ANKRD24: variants seen among roughly 807,000 people sequenced by gnomAD.
The protein encoded by ANKRD24 is ankyrin repeat domain 24.
ANKRD24 carries 109 observed loss-of-function variants against 127.8 expected under a neutral mutation model. That is an observed-to-expected ratio of 0.85 (90% CI 0.73 to 1.00). ANKRD24 has a LOEUF of 1.00. Ranked by LOEUF, ANKRD24 falls within the 50% of genes least tolerant of loss-of-function variation. The pLI, the probability that ANKRD24 is intolerant of heterozygous loss-of-function variation, is 0.00. For missense variants in ANKRD24, 1,648 were observed against 1,570.2 expected (o/e 1.05, Z -0.84); for synonymous variants, 743 against 671.1 (o/e 1.11, Z -1.66).
chr19:4,200,003 C>T lies in ANKRD24; in HGVS notation c.252C>T (p.Ser84=), dbSNP rs896711768. The stretch of plus-strand genomic sequence containing the variant: ...CGAAGCTAGACCCCGAGGGCAAGTC[C>T]GCGTGAGTGCCCGCGACCCGGGAGT... ...VPTKLDPEGK[S]AFHLAAMRGA... The change falls in exon 4 of 22, where the codon TCC becomes TCT. Residue 84 remains serine (S), a splice_region_variant and synonymous_variant. Coordinates refer to ENST00000318934, the MANE Select transcript of ANKRD24 (RefSeq NM_001393985.1). 5.8e-6 allele frequency: 9 copies of T among 1,563,014 alleles called. No homozygotes were observed. Among genetic ancestry groups the T allele is most frequent in the East Asian group, 4.8e-5 (2 of 41,956 alleles).
At position 4,206,384 on chromosome 19, in the gene ANKRD24, C is replaced by T. The variant is rs75715140; in HGVS notation, c.467-858C>T. ...GAGTGGTGGTGCACGCCTACAGTCC[C>T]GGCGGCAGATTGCTTGAGCCCAGGA... On this transcript the variant is annotated intron_variant, in intron 7 of 21. Transcript: ENST00000318934. Among the ~76,000 whole-genome samples the T allele has an allele frequency of 4.7e-3, 718 of 151,182 alleles. 3 individuals are homozygous for T. The highest frequency in any genetic ancestry group is 0.016 in the African/African-American group (660 of 41,320).
At chr19:4,208,654 C>A in intron 10 of ANKRD24, 110 bp from the exon 11 acceptor site, 1 of 1,057,364 alleles carries the variant, frequency 9.5e-7, no homozygotes, top group Non-Finnish European at 1.4e-6. Flanking sequence ...CTACCTTAAA[C>A]GCCCTGATTC....
rs1968954840 is a variant in ANKRD24 at position 4,199,412 on chromosome 19, A to G, written c.37-271A>G. On this transcript the variant is annotated intron_variant, in intron 2 of 21. Transcript: ENST00000318934. This position sits in a 1 kb window ranked among gnomAD's most constrained non-coding sequence, Gnocchi z 5.2. ...TTTTTTGTAGAGACGGGGTCCTACT[A>G]TGGTGCCCAGGTTTGTCTCAAACTC... 1 of 714,062 alleles carries G rather than the reference A, an allele frequency of 1.4e-6. No individual in the cohort carries two copies. Among genetic ancestry groups the G allele is most frequent in the Non-Finnish European group, 1.7e-6 (1 of 582,498 alleles). 44.2% of individuals were successfully genotyped at this position (714,062 alleles called of 1,614,324 possible).
In ANKRD24 at chr19:4,217,410, C is replaced by G. The variant is rs1288281466; in HGVS notation, c.2250C>G (p.Ala750=). The G allele has an allele frequency of 1.9e-6, 3 of 1,548,926 alleles. No individual in the cohort carries two copies. Among genetic ancestry groups the G allele is most frequent in the Non-Finnish European group, 2.6e-6 (3 of 1,146,460 alleles). ...AGGCAGCTGCGGAGCTGGAGGCGGC[C>G]CTGGGGAAGTGCGAGGCCGCGGAGG... ...EREAAAELEA[A]LGKCEAAEAE... is the part of the protein sequence containing the mutation. The change falls in exon 18 of 22, where the codon GCC becomes GCG. Residue 750 remains alanine (A), a synonymous_variant. Coordinates refer to ENST00000318934, the MANE Select transcript of ANKRD24 (RefSeq NM_001393985.1).
Position 4,210,129 on chromosome 19 carries a change from T to G in ANKRD24, c.942T>G (p.Ile314Met). 1.9e-6 allele frequency: 3 copies of G among 1,608,994 alleles called. No individual in the cohort carries two copies. Among genetic ancestry groups the G allele is most frequent in the Non-Finnish European group, 2.5e-6 (3 of 1,177,980 alleles). ...AGGCGCCTCCACCTCCCGCCAGCAT[T>G]CCCATGCCGGTGAGAGATGCTCTGG... ...KRKAPPPPAS[I>M]PMPDDRDAYE... The change falls in exon 12 of 22, where the codon ATT (isoleucine) becomes ATG (methionine). Residue 314 changes from isoleucine (I) to methionine (M), a missense_variant. Transcript: ENST00000318934.
chr19:4,208,085 T>C (rs2240670), intron 10 of ANKRD24, 117 bp downstream of exon 10: 852,909 of 1,120,596 alleles, frequency 0.76, 325,388 homozygotes, highest in African/African-American at 0.83. Flanking sequence ...TAGGAGGTCC[T>C]AGAGCTTACC....
In ANKRD24 at chr19:4,224,511, G is replaced by T. The variant is rs145144144; in HGVS notation, c.*6G>T. On this transcript the variant is annotated 3_prime_UTR_variant, in exon 22 of 22. Transcript: ENST00000318934. ...TCCAGGCTCAGGGCCGCTGAGAAAGGCCAGGCCCAGTGGCTACACTGACCA... is the reference window on the plus strand; with the variant it reads ...TCCAGGCTCAGGGCCGCTGAGAAAGTCCAGGCCCAGTGGCTACACTGACCA... 3,586 of 1,605,112 alleles carry T rather than the reference G, an allele frequency of 2.2e-3. 6 individuals are homozygous for T. Among genetic ancestry groups the T allele is most frequent in the Middle Eastern group, 6.1e-3 (37 of 6,056 alleles).
At chr19:4,220,903 CT>C (rs141815750) in intron 19 of ANKRD24, among the ~76,000 whole-genome samples, 437 of 134,684 alleles carry the variant, frequency 3.2e-3, no homozygotes, top group Middle Eastern at 4.2e-3. Context: ...AGCCAGAAAG[CT>C]TTTTTTTTTT....
Position 4,188,908 on chromosome 19 carries a change from A to G in ANKRD24, c.36+2447A>G, listed in dbSNP as rs1344982440. Among the ~76,000 whole-genome samples the G allele has an allele frequency of 2.6e-5, 4 of 152,110 alleles. No homozygotes were observed. In the East Asian group the frequency reaches 5.8e-4, roughly 22 times the overall value. ...CTGCAACCTCTGCCTCCTGAGTTCA[A>G]GCAATTCTCCTGCCTCAGCCTTCCA... On this transcript the variant is annotated intron_variant, in intron 2 of 21. Transcript: ENST00000318934.
chr19:4,218,285 T>TTATTTATTTATTTATTTATTTATC (rs1256195005), intron 18 of ANKRD24, 122 bp downstream of exon 18: 1 of 595,554 alleles, frequency 1.7e-6, no homozygotes, highest in African/African-American at 2.0e-5. Context: ...CTACTTTATT[T>TTATTTATTTATTTATTTATTTATC]TATTTATTTA....
At position 4,182,735 on chromosome 19, in the gene ANKRD24, A is replaced by T; in HGVS notation, c.-42A>T. 1.4e-6 allele frequency: 2 copies of T among 1,398,104 alleles called. No homozygotes were observed. Among genetic ancestry groups the T allele is most frequent in the Non-Finnish European group, 9.3e-7 (1 of 1,074,234 alleles). The allele number at this position is 1,398,104 out of a possible 1,614,324, so 86.6% of individuals were successfully genotyped here. A position where few individuals can be genotyped will look rare whatever the true frequency, so the allele number is the denominator to read the frequency against. ...GTCAGAAGGAAGCCTGCCTCTTTGC[A>T]TGCAGGTGTTTGCGGGGCTTGGGAA... On this transcript the variant is annotated 5_prime_UTR_variant, in exon 1 of 22. An upstream start codon of the reference 5' UTR is lost. Transcript: ENST00000318934.
chr19:4,207,902 C>G lies in ANKRD24; in HGVS notation c.766C>G (p.Leu256Val). Residue 256 changes from leucine to valine, a missense_variant, in exon 10 of 22, where the codon CTG (leucine) becomes GTG (valine). Physicochemically the swap from Leu to Val is conservative, Grantham distance 32. Coordinates refer to ENST00000318934, the MANE Select transcript of ANKRD24 (RefSeq NM_001393985.1). The part of the protein sequence containing the change: ...LGQDAAHYGA[L>V]AGDKLILHLL... ...GCAGGACGCGGCTCACTATGGCGCC[C>G]TGGCGGGGGACAAACTCATCCTGCA... 6.4e-7 allele frequency: 1 copy of G among 1,556,390 alleles called. No individual in the cohort carries two copies. The highest frequency in any genetic ancestry group is 8.7e-7 in the Non-Finnish European group (1 of 1,152,994).
Position 4,207,967 on chromosome 19 carries a change from C to CGG in ANKRD24, c.832_832+1dup, listed in dbSNP as rs1568330149. On this transcript the variant is annotated frameshift_variant and splice_region_variant, in exon 10 of 22. Transcript: ENST00000318934. LOFTEE classifies it high-confidence loss of function. ...CGGCCCAGCGCCCCTCCCCACCCAG[C>CGG]GGTATGCAAGCCCCACCTCCCCAAT... 1 of 1,488,470 alleles carries CGG rather than the reference C, an allele frequency of 6.7e-7. No homozygotes were observed. The highest frequency in any genetic ancestry group is 8.9e-7 in the Non-Finnish European group (1 of 1,120,760). The allele number at this position is 1,488,470 out of a possible 1,614,324, so 92.2% of individuals were successfully genotyped here. A position where few individuals can be genotyped will look rare whatever the true frequency, so the allele number is the denominator to read the frequency against.
In ANKRD24 at chr19:4,207,858, G is replaced by C; in HGVS notation, c.722G>C (p.Gly241Ala). 6.4e-7 allele frequency: 1 copy of C among 1,563,550 alleles called. No homozygotes were observed. Among genetic ancestry groups the C allele is most frequent in the Non-Finnish European group, 8.6e-7 (1 of 1,156,532 alleles). Residue 241 changes from glycine to alanine, a missense_variant, in exon 10 of 22, where the codon GGC becomes GCC. Physicochemically the swap from Gly to Ala is moderately conservative, Grantham distance 60. Transcript: ENST00000318934. ...EVLLQGGAQP[G>A]ITDALGQDAA... ...CTGCTGCAGGGCGGAGCCCAGCCGG[G>C]CATCACCGATGCGCTGGGGCAGGAC...
In ANKRD24 at chr19:4,224,586, C is replaced by T. The variant is rs1188104194; in HGVS notation, c.*81C>T. The T allele has an allele frequency of 3.1e-6, 4 of 1,271,164 alleles. No individual in the cohort carries two copies. The Admixed American group carries it at 8.0e-5, about 25-fold the overall frequency. The allele number at this position is 1,271,164 out of a possible 1,614,324, so 78.7% of individuals were successfully genotyped here. On this transcript the variant is annotated 3_prime_UTR_variant, in exon 22 of 22. Transcript: ENST00000318934. ...CTGCAGGCCCCTTGCAGACCGGCTT[C>T]ACTTGGCTTCACTTGGCCCTATCCA...
Position 4,199,924 on chromosome 19 carries a change from A to G in ANKRD24, c.173A>G (p.Asn58Ser), listed in dbSNP as rs1467795270. ...GAGAGGCTGCTACAAGCCGTGGAAA[A>G]CAACGATGCACCTCGGGTGGCCGCC... ...SDERLLQAVE[N>S]NDAPRVAALI... The change falls in exon 4 of 22, where the codon AAC becomes AGC. Residue 58 changes from asparagine (N) to serine (S), a missense_variant. Coordinates refer to ENST00000318934, the MANE Select transcript of ANKRD24 (RefSeq NM_001393985.1). This position sits in a 1 kb window ranked among gnomAD's most constrained non-coding sequence, Gnocchi z 5.2. 4.5e-6 allele frequency: 7 copies of G among 1,570,608 alleles called. No homozygotes were observed. The highest frequency in any genetic ancestry group is 5.2e-6 in the Non-Finnish European group (6 of 1,158,668).
chr19:4,221,586 GA>G (rs1400939945), intron 19 of ANKRD24, among the ~76,000 whole-genome samples: 1 of 152,108 alleles, frequency 6.6e-6, no homozygotes, highest in Admixed American at 6.6e-5. Flanking sequence ...TTTAAGAGAT[GA>G]AGTGAGTGGC....
intron 2 of ANKRD24, among the ~76,000 whole-genome samples, chr19:4,187,818 A>G (rs1968153916): frequency 6.6e-6 from 1 of 152,172 alleles, no homozygotes; most frequent in African/African-American, 2.4e-5. Flanking sequence ...TGCCTGGAGG[A>G]GGTGGCACCG....
In ANKRD24 at chr19:4,202,106, A is replaced by G. The variant is rs1351384460; in HGVS notation, c.408+16A>G. ...ACTACTGCAGGTCATTTACTGTCTT[A>G]TCTCAGCTACTCCCTTGGCCCCTAC... On this transcript the variant is annotated intron_variant, in intron 6 of 21. Coordinates refer to ENST00000318934, the MANE Select transcript of ANKRD24 (RefSeq NM_001393985.1). The G allele has an allele frequency of 6.2e-7, 1 of 1,612,560 alleles. No individual in the cohort carries two copies. The highest frequency in any genetic ancestry group is 1.1e-5 in the South Asian group (1 of 91,038).
Sources: allele counts gnomAD v4.1 joint callset (sites outside exome capture counted in the v4.1 genomes callset), GRCh38; gene constraint gnomAD v4.1.1; non-coding constraint Gnocchi (gnomAD v3.1); transcripts MANE v1.5; gene names NCBI Gene and HGNC (gene_info 2026-07-23, HGNC 2026-07-21).